The following LUZP2 variants were observed in gnomAD, a reference collection of about 807,000 sequenced individuals.
LUZP2 encodes the protein leucine zipper protein 2.
In LUZP2, 52 loss-of-function variants were observed where a neutral mutation model predicts 51.6. The observed-to-expected ratio is 1.01, with a 90% CI of 0.81 to 1.27. LUZP2 has a LOEUF of 1.27. LUZP2 is among the 50% of genes most tolerant of loss of function. The probability of loss-of-function intolerance (pLI) is 0.00; values close to 1 mark genes in which losing one functional copy is unlikely to be tolerated. For synonymous variants in LUZP2, 154 were observed against 137.3 expected, an observed-to-expected ratio of 1.12 and a Z score of -0.85; for missense variants, 436 against 395.4, an observed-to-expected ratio of 1.10 and a Z score of -0.87.
intron 9 of LUZP2, among the ~76,000 whole-genome samples, chr11:25,025,817 C>A (rs958813280): frequency 6.6e-6 from 1 of 152,140 alleles, no homozygotes; most frequent in African/African-American, 2.4e-5. Flanking sequence ...GATTATAAAT[C>A]ATGCTGCTAT....
At chr11:24,811,272 C>A (rs1489865028) in intron 5 of LUZP2, among the ~76,000 whole-genome samples, 3 of 152,152 alleles carry the variant, frequency 2.0e-5, no homozygotes, top group African/African-American at 7.2e-5. Flanking sequence ...AAGCCTTAAT[C>A]CACAGGATAC....
intron 7 of LUZP2, among the ~76,000 whole-genome samples, chr11:24,929,556 A>G (rs959493192): frequency 7.9e-5 from 12 of 152,072 alleles, no homozygotes; most frequent in African/African-American, 2.9e-4. Context: ...TTGAATTCCA[A>G]TTTCATTCCA....
intron 5 of LUZP2, among the ~76,000 whole-genome samples, chr11:24,784,412 G>C (rs983759710): frequency 3.3e-5 from 5 of 151,854 alleles, no homozygotes; most frequent in Non-Finnish European, 5.9e-5. Flanking sequence ...TCATCAGTCT[G>C]TTTATTTAAT....
chr11:24,555,058 G>A (rs779094609), intron 1 of LUZP2, among the ~76,000 whole-genome samples: 1 of 152,068 alleles, frequency 6.6e-6, no homozygotes, highest in Non-Finnish European at 1.5e-5. Context: ...GCACTGTGTA[G>A]ATCTGATTGC....
intron 9 of LUZP2, among the ~76,000 whole-genome samples, chr11:25,018,310 T>G (rs1857224684): frequency 6.6e-6 from 1 of 152,174 alleles, no homozygotes. Flanking sequence ...TTCTCTTGGC[T>G]GATTGTTCTG....
rs182347911 is a variant in LUZP2, at chr11:24,711,437, G to A, written c.63-17732G>A. 1.0e-3 allele frequency among the ~76,000 whole-genome samples: 155 copies of A among 148,156 alleles called. No homozygotes were observed. The Middle Eastern group carries it at 0.021, about 20-fold the overall frequency. ...TGCACTCCAGCCTGGGCGACAGAGC[G>A]AGACTCCATCTCAAAATAAATAAAT... On this transcript the variant is annotated intron_variant, in intron 1 of 11. Coordinates refer to ENST00000336930, the MANE Select transcript of LUZP2 (RefSeq NM_001009909.4).
chr11:24,705,074 G>A (rs183876445), intron 1 of LUZP2, among the ~76,000 whole-genome samples: 7 of 152,016 alleles, frequency 4.6e-5, no homozygotes, highest in Admixed American at 1.3e-4. Context: ...CTCTTTTGGG[G>A]TATTTTTTTT....
At chr11:25,060,265 G>A (rs1039476152) in intron 10 of LUZP2, among the ~76,000 whole-genome samples, 2 of 152,122 alleles carry the variant, frequency 1.3e-5, no homozygotes, top group African/African-American at 4.8e-5. Flanking sequence ...TCAAGGCACT[G>A]ACAGATTTGG....
At chr11:25,002,607 C>T (rs938183534) in intron 9 of LUZP2, among the ~76,000 whole-genome samples, 47 of 152,138 alleles carry the variant, frequency 3.1e-4, no homozygotes, top group Non-Finnish European at 7.3e-5. Context: ...ACTAAGATGG[C>T]CACCACCGCA....
At chr11:24,658,374 G>A (rs1473366308) in intron 1 of LUZP2, among the ~76,000 whole-genome samples, 2 of 152,178 alleles carry the variant, frequency 1.3e-5, no homozygotes, top group African/African-American at 4.8e-5. Context: ...CTAGCCATAT[G>A]GAGAAAGCTG....
At chr11:24,960,411 A>ATTG (rs770373625) in intron 7 of LUZP2, among the ~76,000 whole-genome samples, 2 of 152,236 alleles carry the variant, frequency 1.3e-5, no homozygotes, top group Middle Eastern at 6.8e-3. Flanking sequence ...GCTATTGATT[A>ATTG]TTGCCTCAAT....
intron 1 of LUZP2, among the ~76,000 whole-genome samples, chr11:24,641,946 T>G (rs2133946474): frequency 6.6e-6 from 1 of 151,976 alleles, no homozygotes; most frequent in Non-Finnish European, 1.5e-5. Flanking sequence ...CAGGCTGGAG[T>G]GCAGTGGCAC....
chr11:24,561,816 T>TATAATAATA (rs147360262), intron 1 of LUZP2, among the ~76,000 whole-genome samples: 7 of 120,798 alleles, frequency 5.8e-5, no homozygotes, highest in Non-Finnish European at 1.0e-4. Flanking sequence ...GAACTTAAAG[T>TATAATAATA]ATAATAATAA....
intron 6 of LUZP2, among the ~76,000 whole-genome samples, chr11:24,910,098 C>T (rs899729439): frequency 2.0e-5 from 3 of 152,126 alleles, no homozygotes; most frequent in Non-Finnish European, 2.9e-5. Context: ...AAGAGACTGT[C>T]AGCATTTTGC....
At chr11:24,796,179 T>G (rs2134105424) in intron 5 of LUZP2, among the ~76,000 whole-genome samples, 1 of 152,182 alleles carries the variant, frequency 6.6e-6, no homozygotes, top group Non-Finnish European at 1.5e-5. Flanking sequence ...GGTATACGTT[T>G]TAGGGGTCAA....
intron 1 of LUZP2, among the ~76,000 whole-genome samples, chr11:24,628,294 C>G (rs1196429304): frequency 6.6e-6 from 1 of 151,958 alleles, no homozygotes; most frequent in Non-Finnish European, 1.5e-5. Flanking sequence ...ACATGCTGGT[C>G]TTTGATCATT....
At chr11:24,530,232 C>A (rs552775951) in intron 1 of LUZP2, among the ~76,000 whole-genome samples, 1 of 150,896 alleles carries the variant, frequency 6.6e-6, no homozygotes, top group African/African-American at 2.4e-5. Flanking sequence ...TTACACTATT[C>A]TCATTAATTT....
intron 1 of LUZP2, among the ~76,000 whole-genome samples, chr11:24,547,108 A>T (rs569614496): frequency 1.5e-4 from 23 of 151,860 alleles, no homozygotes; most frequent in African/African-American, 5.3e-4. Context: ...TGTGCCCAGG[A>T]ATTTATCAGT....
intron 5 of LUZP2, among the ~76,000 whole-genome samples, chr11:24,784,906 G>T (rs1380839593): frequency 6.6e-6 from 1 of 151,964 alleles, no homozygotes; most frequent in Non-Finnish European, 1.5e-5. Flanking sequence ...TGCTGTACAT[G>T]TAAATACATA....
Sources: allele counts gnomAD v4.1 joint callset (sites outside exome capture counted in the v4.1 genomes callset), GRCh38; gene constraint gnomAD v4.1.1; transcripts MANE v1.5; gene names NCBI Gene and HGNC (gene_info 2026-07-23, HGNC 2026-07-21).